Variants in DGLUCY observed in about 807,000 individuals in gnomAD.
DGLUCY encodes the protein D-glutamate cyclase, mitochondrial.
In DGLUCY, 58 loss-of-function variants were observed where a neutral mutation model predicts 58.5. That is an observed-to-expected ratio of 0.99 (90% CI 0.80 to 1.23). DGLUCY has a LOEUF of 1.23. DGLUCY is among the 50% of genes most tolerant of loss of function. The pLI, the probability that DGLUCY is intolerant of heterozygous loss-of-function variation, is 0.00. For missense variants in DGLUCY, 779 were observed against 784.7 expected, an observed-to-expected ratio of 0.99 and a Z score of 0.09; for synonymous variants, 325 against 314.1, an observed-to-expected ratio of 1.03 and a Z score of -0.37.
At chr14:91,061,279 CAGAT>C (rs902417878) in intron 1 of DGLUCY, among the ~76,000 whole-genome samples, 8 of 152,326 alleles carry the variant, frequency 5.3e-5, no homozygotes, top group Admixed American at 3.9e-4. Flanking sequence ...TCTTAAATAA[CAGAT>C]AGTTCTTAAA....
At chr14:91,155,724 A>G (rs2140320505) in intron 1 of DGLUCY, among the ~76,000 whole-genome samples, 1 of 150,212 alleles carries the variant, frequency 6.7e-6, no homozygotes, top group Middle Eastern at 3.4e-3. Context: ...TGAGCCCAGG[A>G]GGTTTGAGGC....
intron 1 of DGLUCY, among the ~76,000 whole-genome samples, chr14:91,131,385 CTT>C (rs57926089): frequency 1.1e-4 from 17 of 151,252 alleles, no homozygotes; most frequent in African/African-American, 3.4e-4. Context: ...GAGATATTCT[CTT>C]TTTTTTTTGT....
rs968865348 is a variant in DGLUCY, at chr14:91,170,138, C to T, written c.393C>T (p.Ala131=). Residue 131 remains alanine (A), a synonymous_variant, in exon 5 of 14, where the codon GCC becomes GCT. Coordinates refer to ENST00000256324, the MANE Select transcript of DGLUCY (RefSeq NM_001102368.3). ...FLGCSFSLEE[A]LEKAGLPRRD... ...GCTGCAGCTTCTCCCTGGAGGAGGC[C>T]TTGGAGAAAGCGGGGCTCCCCAGAA... 1 of 1,613,396 alleles carries T rather than the reference C, an allele frequency of 6.2e-7. No homozygotes were observed. The highest frequency in any genetic ancestry group is 8.5e-7 in the Non-Finnish European group (1 of 1,180,028).
chr14:91,083,727 T>A lies in DGLUCY; in HGVS notation c.-82+23023T>A, dbSNP rs373636296. On this transcript the variant is annotated intron_variant, in intron 1 of 4. Coordinates refer to the DGLUCY transcript ENST00000521334. ...CAGCAATGTTTTTCTGGTTTTTTTTTAATAATGTGTCAGAAATATGTGTTT... is the reference window on the plus strand; with the variant it reads ...CAGCAATGTTTTTCTGGTTTTTTTTAAATAATGTGTCAGAAATATGTGTTT... Among the ~76,000 whole-genome samples, 23 of 152,228 alleles carry A rather than the reference T, an allele frequency of 1.5e-4. 1 individual carries two copies. Among genetic ancestry groups the A allele is most frequent in the African/African-American group, 4.6e-4 (19 of 41,536 alleles).
intron 1 of DGLUCY, among the ~76,000 whole-genome samples, chr14:91,138,779 A>T (rs887402281): frequency 2.0e-5 from 3 of 152,102 alleles, no homozygotes; most frequent in Admixed American, 2.0e-4. Flanking sequence ...TCCCTTCCTC[A>T]TCATGAGGAT....
At chr14:91,064,299 C>T (rs1213720912) in intron 1 of DGLUCY, among the ~76,000 whole-genome samples, 1 of 151,994 alleles carries the variant, frequency 6.6e-6, no homozygotes, top group East Asian at 1.9e-4. Context: ...ATCACTGGCA[C>T]ATAGATGACA....
chr14:91,091,478 C>T (rs1028873182), intron 1 of DGLUCY, among the ~76,000 whole-genome samples: 2 of 151,916 alleles, frequency 1.3e-5, no homozygotes, highest in East Asian at 1.9e-4. Context: ...GCCTAGATCA[C>T]GCCACTACAC....
rs761932282 is a variant in DGLUCY, at chr14:91,060,376, T to C, written c.-410T>C. On this transcript the variant is annotated 5_prime_UTR_variant, in exon 1 of 5. Transcript: ENST00000521334. ...GACAGTGAGGAGCTGCTCTCCTCCG[T>C]CGCCGCCGTCCGCGCTGGTCCCCGC... is the stretch of plus-strand genomic sequence containing the variant. 5.4e-5 allele frequency: 81 copies of C among 1,507,316 alleles called. No homozygotes were observed. The highest frequency in any genetic ancestry group is 6.8e-5 in the Non-Finnish European group (76 of 1,122,244). 93.4% of individuals were successfully genotyped at this position (1,507,316 alleles called of 1,614,324 possible).
intron 5 of DGLUCY, among the ~76,000 whole-genome samples, chr14:91,172,885 TCCGCCCA>T (rs1490213335): frequency 1.3e-5 from 2 of 152,186 alleles, no homozygotes; most frequent in Non-Finnish European, 2.9e-5. Context: ...GACCTCGTGA[TCCGCCCA>T]CCTCGGCCTC....
intron 1 of DGLUCY, among the ~76,000 whole-genome samples, chr14:91,115,403 TA>T (rs1411972683): frequency 7.9e-5 from 12 of 152,148 alleles, no homozygotes; most frequent in Admixed American, 5.2e-4. Flanking sequence ...GGCTTGTACA[TA>T]ATTATGAGGA....
chr14:91,063,553 C>A (rs987748460), intron 1 of DGLUCY, among the ~76,000 whole-genome samples: 1 of 152,208 alleles, frequency 6.6e-6, no homozygotes, highest in Non-Finnish European at 1.5e-5. Flanking sequence ...CCGTTTTAGG[C>A]ATAAGCTAGT....
intron 12 of DGLUCY, among the ~76,000 whole-genome samples, chr14:91,206,358 A>G (rs1258560235): frequency 6.6e-6 from 1 of 151,508 alleles, no homozygotes; most frequent in Non-Finnish European, 1.5e-5. Context: ...TACCACCATC[A>G]CTAAAGGTCC....
chr14:91,187,927 C>T (rs2049622453), intron 8 of DGLUCY, among the ~76,000 whole-genome samples: 1 of 152,108 alleles, frequency 6.6e-6, no homozygotes, highest in African/African-American at 2.4e-5. Flanking sequence ...TGCCCAGGTC[C>T]TTGTGTCAGG....
At chr14:91,143,045 A>G (rs1173603898) in intron 1 of DGLUCY, among the ~76,000 whole-genome samples, 2 of 150,954 alleles carry the variant, frequency 1.3e-5, no homozygotes, top group African/African-American at 4.9e-5. Context: ...AAAAAAAAAA[A>G]AAAAGGATCT....
At chr14:91,068,408 C>T (rs2043863475) in intron 1 of DGLUCY, among the ~76,000 whole-genome samples, 1 of 152,236 alleles carries the variant, frequency 6.6e-6, no homozygotes, top group African/African-American at 2.4e-5. Context: ...GTGGCTCCCA[C>T]CTGTAATCCC....
intron 1 of DGLUCY, among the ~76,000 whole-genome samples, chr14:91,074,114 T>TACACACACACACACACACACAC (rs1326685656): frequency 1.6e-5 from 1 of 64,462 alleles, no homozygotes; most frequent in Non-Finnish European, 3.1e-5. Flanking sequence ...AATATATATA[T>TACACACACACACACACACACAC]ATATACACAC....
chr14:91,170,450 A>G (rs1376269876), intron 5 of DGLUCY, among the ~76,000 whole-genome samples: 2 of 152,114 alleles, frequency 1.3e-5, no homozygotes, highest in Non-Finnish European at 2.9e-5. Context: ...AGTGCTGTAA[A>G]CCAAACCTGC....
chr14:91,214,683 C>A (rs909319256), intron 12 of DGLUCY, among the ~76,000 whole-genome samples: 1 of 152,136 alleles, frequency 6.6e-6, no homozygotes, highest in African/African-American at 2.4e-5. Flanking sequence ...TGGCTTGGAT[C>A]AGACTCACAT....
intron 9 of DGLUCY, among the ~76,000 whole-genome samples, chr14:91,190,283 G>A (rs535952913): frequency 1.6e-4 from 25 of 152,278 alleles, no homozygotes; most frequent in African/African-American, 5.1e-4. Flanking sequence ...CACCGCGCCC[G>A]GCCTCTGTTA....
Sources: allele counts gnomAD v4.1 joint callset (sites outside exome capture counted in the v4.1 genomes callset), GRCh38; gene constraint gnomAD v4.1.1; transcripts MANE v1.5; gene names NCBI Gene and HGNC (gene_info 2026-07-23, HGNC 2026-07-21).